HIVEP3: variants seen among roughly 807,000 people sequenced by gnomAD.
HIVEP3 encodes the protein HIVEP zinc finger 3.
A neutral mutation model predicts 152.8 loss-of-function variants in HIVEP3; 49 were observed. That is an observed-to-expected ratio of 0.32 (90% CI 0.26 to 0.41). The LOEUF is 0.41. Ranked by LOEUF, HIVEP3 falls within the 10% of genes least tolerant of loss-of-function variation. The probability of loss-of-function intolerance (pLI) is 1.00; values close to 1 mark genes in which losing one functional copy is unlikely to be tolerated. For synonymous variants in HIVEP3, 1,269 were observed against 1,289.0 expected (o/e 0.98, Z 0.33); for missense variants, 2,790 against 3,103.3 (o/e 0.90, Z 2.40).
At chr1:41,935,367 T>A (rs1645015276) in intron 1 of HIVEP3, among the ~76,000 whole-genome samples, 1 of 152,178 alleles carries the variant, frequency 6.6e-6, no homozygotes, top group Non-Finnish European at 1.5e-5. Context: ...ATGTTAATTA[T>A]TTCCTGTGGC....
At chr1:41,971,029 T>C (rs1361975691) in intron 1 of HIVEP3, among the ~76,000 whole-genome samples, 1 of 152,218 alleles carries the variant, frequency 6.6e-6, no homozygotes, top group Non-Finnish European at 1.5e-5. Context: ...ATAGACCTGA[T>C]TTAATTTTTA....
At chr1:41,850,101 C>A (rs1054619633) in intron 1 of HIVEP3, among the ~76,000 whole-genome samples, 1 of 152,186 alleles carries the variant, frequency 6.6e-6, no homozygotes, top group Non-Finnish European at 1.5e-5. Context: ...TACACTCCTA[C>A]GGTTTTTTAA....
At chr1:41,944,572 C>T (rs1444380241) in intron 1 of HIVEP3, among the ~76,000 whole-genome samples, 1 of 152,182 alleles carries the variant, frequency 6.6e-6, no homozygotes, top group African/African-American at 2.4e-5. Context: ...AGCTCTAGGA[C>T]TCACCCCTGA....
intron 1 of HIVEP3, among the ~76,000 whole-genome samples, chr1:41,996,108 T>C (rs548227015): frequency 1.3e-5 from 2 of 152,106 alleles, no homozygotes; most frequent in African/African-American, 4.8e-5. Flanking sequence ...TTCAAAGAGC[T>C]GGGGTCCAGA....
intron 1 of HIVEP3, among the ~76,000 whole-genome samples, chr1:41,800,731 T>C (rs1269431696): frequency 2.0e-5 from 3 of 152,228 alleles, no homozygotes; most frequent in Admixed American, 6.5e-5. Context: ...CCCCTTGCTA[T>C]AGAAAATGCA....
intron 1 of HIVEP3, among the ~76,000 whole-genome samples, chr1:41,736,647 G>A (rs1017155771): frequency 6.6e-6 from 1 of 152,230 alleles, no homozygotes; most frequent in African/African-American, 2.4e-5. Context: ...TGCAGGCCAA[G>A]GAACCAGGGC....
chr1:41,553,666 C>T (rs1042912100), intron 5 of HIVEP3, among the ~76,000 whole-genome samples: 2 of 152,046 alleles, frequency 1.3e-5, no homozygotes, highest in Non-Finnish European at 2.9e-5. Context: ...TTTAGTGCTT[C>T]CTTCAGGAGC....
intron 3 of HIVEP3, among the ~76,000 whole-genome samples, chr1:41,591,236 G>T (rs1289316698): frequency 6.6e-6 from 1 of 152,154 alleles, no homozygotes; most frequent in Admixed American, 6.6e-5. Flanking sequence ...CGGGCACACA[G>T]CTGGTGCTCA....
intron 1 of HIVEP3, among the ~76,000 whole-genome samples, chr1:41,822,846 G>A (rs897813465): frequency 6.6e-6 from 1 of 152,182 alleles, no homozygotes; most frequent in Non-Finnish European, 1.5e-5. Flanking sequence ...ATGCGGCAGG[G>A]ACCCATCCTT....
chr1:41,787,877 T>C (rs1649456136), intron 1 of HIVEP3, among the ~76,000 whole-genome samples: 2 of 151,966 alleles, frequency 1.3e-5, no homozygotes, highest in African/African-American at 4.8e-5. Flanking sequence ...AGGTGAGGAA[T>C]GGGGGCAGAG....
chr1:41,594,495 TA>T (rs1644635485), intron 3 of HIVEP3, among the ~76,000 whole-genome samples: 1 of 152,234 alleles, frequency 6.6e-6, no homozygotes, highest in Non-Finnish European at 1.5e-5. Context: ...GTGCTGGGAT[TA>T]CAGGTGTGAG....
upstream of HIVEP3, among the ~76,000 whole-genome samples, chr1:41,921,200 A>G (rs1440566214): frequency 2.0e-5 from 3 of 152,228 alleles, no homozygotes; most frequent in African/African-American, 7.2e-5. Flanking sequence ...GAAGATACAA[A>G]GTAGATGGGA....
chr1:41,525,844 A>C (rs1642884985), intron 5 of HIVEP3, among the ~76,000 whole-genome samples: 1 of 152,082 alleles, frequency 6.6e-6, no homozygotes, highest in African/African-American at 2.4e-5. Flanking sequence ...TGCGGTGGGG[A>C]GGGTGGCAGG....
At chr1:42,007,951 A>C (rs987207094) in intron 1 of HIVEP3, among the ~76,000 whole-genome samples, 9 of 152,166 alleles carry the variant, frequency 5.9e-5, no homozygotes, top group South Asian at 4.1e-4. Context: ...ACTCGAATGC[A>C]CTTACATCTT....
chr1:41,524,604 G>A, intron 6 of HIVEP3, 131 bp downstream of exon 6: 1 of 838,094 alleles, frequency 1.2e-6, no homozygotes, highest in Non-Finnish European at 2.0e-6. Flanking sequence ...CAAGCTGGGT[G>A]GGAACCCAGG....
chr1:41,947,847 A>G (rs1570835497), intron 1 of HIVEP3, among the ~76,000 whole-genome samples: 1 of 152,248 alleles, frequency 6.6e-6, no homozygotes, highest in African/African-American at 2.4e-5. Context: ...AGCAGTTAAA[A>G]TAATACAGGG....
chr1:41,969,182 C>T (rs757604163), intron 1 of HIVEP3, among the ~76,000 whole-genome samples: 5 of 152,114 alleles, frequency 3.3e-5, no homozygotes, highest in Admixed American at 6.5e-5. Flanking sequence ...CTACCATTGA[C>T]ATTCTTCTTA....
chr1:41,850,545 G>C (rs1643567480), intron 1 of HIVEP3, among the ~76,000 whole-genome samples: 1 of 152,200 alleles, frequency 6.6e-6, no homozygotes, highest in Admixed American at 6.5e-5. Flanking sequence ...TGGAGTCCTA[G>C]AAAATCTCCT....
intron 1 of HIVEP3, among the ~76,000 whole-genome samples, chr1:41,810,207 T>C (rs71654207): frequency 2.5e-3 from 388 of 152,300 alleles, no homozygotes; most frequent in Non-Finnish European, 3.5e-3. Context: ...GAGGTTGAAA[T>C]GGCAGAACTG....
Sources: gnomAD v4.1 joint callset for allele counts (sites outside exome capture counted in the v4.1 genomes callset) on GRCh38, gnomAD v4.1.1 for gene constraint, MANE v1.5 for transcripts, NCBI Gene and HGNC (gene_info 2026-07-23, HGNC 2026-07-21) for gene names.